NSMCE2: variants seen among roughly 807,000 people sequenced by gnomAD.
NSMCE2 encodes NSE2 SUMO ligase component of SMC5/6 complex, also known as E3 SUMO-protein ligase NSE2.
In NSMCE2, 24 loss-of-function variants were observed where a neutral mutation model predicts 23.8. The ratio of observed to expected loss-of-function variants is 1.01; its 90% CI spans 0.73 to 1.42. The LOEUF is 1.42. Ranked by LOEUF, NSMCE2 falls within the 40% of genes most tolerant of loss-of-function variation. NSMCE2 has a pLI of 0.00. For synonymous variants in NSMCE2, 92 were observed against 94.1 expected (o/e 0.98, Z 0.13); for missense variants, 284 against 296.5 (o/e 0.96, Z 0.31).
chr8:125,296,548 C>A (rs1563769190), intron 5 of NSMCE2, among the ~76,000 whole-genome samples: 1 of 152,016 alleles, frequency 6.6e-6, no homozygotes, highest in African/African-American at 2.4e-5. Context: ...GCATGCACCA[C>A]CATGCCAGGC....
intron 3 of NSMCE2, among the ~76,000 whole-genome samples, chr8:125,136,434 A>T (rs1204536842): frequency 6.6e-6 from 1 of 152,156 alleles, no homozygotes; most frequent in Non-Finnish European, 1.5e-5. Flanking sequence ...GGACAGTAAG[A>T]GTGAGGAGTC....
intron 5 of NSMCE2, among the ~76,000 whole-genome samples, chr8:125,259,055 A>T (rs1826565806): frequency 1.3e-5 from 2 of 152,204 alleles, no homozygotes; most frequent in Non-Finnish European, 2.9e-5. Flanking sequence ...GGCATGCACT[A>T]TCACACCCGG....
At chr8:125,337,781 A>G (rs1024209157) in intron 5 of NSMCE2, among the ~76,000 whole-genome samples, 1 of 151,594 alleles carries the variant, frequency 6.6e-6, no homozygotes, top group African/African-American at 2.4e-5. Flanking sequence ...TGTAATCCCA[A>G]CTACTCAGGA....
chr8:125,359,192 G>A (rs943436168), intron 7 of NSMCE2, among the ~76,000 whole-genome samples: 1 of 147,602 alleles, frequency 6.8e-6, no homozygotes, highest in Non-Finnish European at 1.5e-5. Context: ...GCATGAACCC[G>A]GGAGGCGGAG....
intron 3 of NSMCE2, among the ~76,000 whole-genome samples, chr8:125,145,192 G>A (rs1409591438): frequency 6.6e-6 from 1 of 152,200 alleles, no homozygotes; most frequent in East Asian, 1.9e-4. Flanking sequence ...ATTTAATTCA[G>A]TAGCCCTTCC....
intron 4 of NSMCE2, among the ~76,000 whole-genome samples, chr8:125,170,946 A>G (rs1231581159): frequency 1.3e-5 from 2 of 152,034 alleles, no homozygotes; most frequent in African/African-American, 2.4e-5. Context: ...ACCTTCACAC[A>G]TCTCTCTCAG....
At chr8:125,177,986 A>G (rs1297471976) in intron 4 of NSMCE2, among the ~76,000 whole-genome samples, 1 of 152,146 alleles carries the variant, frequency 6.6e-6, no homozygotes, top group Non-Finnish European at 1.5e-5. Flanking sequence ...TGGAGGCATC[A>G]TTACTCTCTT....
chr8:125,144,057 A>G (rs1452956305), intron 3 of NSMCE2, among the ~76,000 whole-genome samples: 1 of 152,148 alleles, frequency 6.6e-6, no homozygotes, highest in Non-Finnish European at 1.5e-5. Context: ...GAGGGGGGGA[A>G]AGTCCTTATT....
intron 3 of NSMCE2, among the ~76,000 whole-genome samples, chr8:125,133,775 A>C (rs1195151588): frequency 1.3e-5 from 2 of 151,792 alleles, no homozygotes; most frequent in Non-Finnish European, 2.9e-5. Flanking sequence ...AAAAACAAAA[A>C]CCAAAACAAA....
chr8:125,242,187 A>T (rs1825789939), intron 5 of NSMCE2, among the ~76,000 whole-genome samples: 1 of 152,154 alleles, frequency 6.6e-6, no homozygotes, highest in Admixed American at 6.6e-5. Flanking sequence ...ATGTAGAAAG[A>T]GAGGAAAGGA....
chr8:125,170,898 T>A (rs950106737), intron 4 of NSMCE2, among the ~76,000 whole-genome samples: 2 of 152,084 alleles, frequency 1.3e-5, no homozygotes, highest in Non-Finnish European at 2.9e-5. Context: ...ATGACCCTTT[T>A]AAAAAGAAAA....
At chr8:125,346,821 T>C (rs1295447659) in intron 5 of NSMCE2, among the ~76,000 whole-genome samples, 1 of 152,222 alleles carries the variant, frequency 6.6e-6, no homozygotes, top group African/African-American at 2.4e-5. Flanking sequence ...TTGGACAGTA[T>C]TTAATAGCTG....
chr8:125,263,763 A>C (rs907854240), intron 5 of NSMCE2, among the ~76,000 whole-genome samples: 2 of 152,006 alleles, frequency 1.3e-5, no homozygotes, highest in Non-Finnish European at 1.5e-5. Context: ...AAAAAACAAA[A>C]AAAAAAAGAA....
intron 1 of NSMCE2, among the ~76,000 whole-genome samples, chr8:125,097,871 G>A (rs10088227): frequency 0.022 from 3,370 of 152,258 alleles, 54 homozygotes; most frequent in Middle Eastern, 0.085. Flanking sequence ...ATTGTAGAAA[G>A]CTTTGGATAC....
In NSMCE2 at chr8:125,209,233, TG is replaced by T; in HGVS notation, c.418+26978del. The stretch of plus-strand genomic sequence containing the variant: ...TAGTACTCTGTAGCCATGTATTGAT[TG>T]AAAAAAAATAGAAACAAATAATGTG... On this transcript the variant is annotated intron_variant, in intron 5 of 7. Transcript: ENST00000287437. Among the ~76,000 whole-genome samples the T allele has an allele frequency of 1.3e-5, 2 of 152,216 alleles. 1 individual carries two copies. The highest frequency in any genetic ancestry group is 6.3e-3 in the Middle Eastern group (2 of 316).
At chr8:125,312,075 TAAAA>T (rs56906621) in intron 5 of NSMCE2, among the ~76,000 whole-genome samples, 1 of 99,420 alleles carries the variant, frequency 1.0e-5, no homozygotes. Flanking sequence ...CCATCTCAAT[TAAAA>T]AAAAAAAAAA....
At chr8:125,136,748 T>C (rs919277957) in intron 3 of NSMCE2, among the ~76,000 whole-genome samples, 1 of 152,130 alleles carries the variant, frequency 6.6e-6, no homozygotes, top group Non-Finnish European at 1.5e-5. Context: ...TTCTGGTAGG[T>C]TTAGGTGTTT....
intron 5 of NSMCE2, among the ~76,000 whole-genome samples, chr8:125,340,386 G>A (rs1366659499): frequency 1.3e-5 from 2 of 152,056 alleles, no homozygotes; most frequent in African/African-American, 2.4e-5. Context: ...TTTCTTGGCC[G>A]TCTTTATATT....
chr8:125,221,497 G>A (rs367837062), intron 5 of NSMCE2, among the ~76,000 whole-genome samples: 138 of 152,306 alleles, frequency 9.1e-4, no homozygotes, highest in African/African-American at 3.2e-3. Context: ...ACCTGCCTCA[G>A]CTTCCCAAAG....
Sources: allele counts gnomAD v4.1 joint callset (sites outside exome capture counted in the v4.1 genomes callset), GRCh38; gene constraint gnomAD v4.1.1; transcripts MANE v1.5; gene names NCBI Gene and HGNC (gene_info 2026-07-23, HGNC 2026-07-21).